Variants in ZP1 observed in about 807,000 individuals in gnomAD.
ZP1 encodes zona pellucida sperm-binding protein 1.
ZP1 carries 58 observed loss-of-function variants against 67.4 expected under a neutral mutation model. That is an observed-to-expected ratio of 0.86 (90% CI 0.70 to 1.07). The LOEUF (loss-of-function observed/expected upper bound fraction) is 1.07. Ranked by LOEUF, ZP1 falls within the 50% of genes least tolerant of loss-of-function variation. The probability of loss-of-function intolerance (pLI) is 0.00; values close to 1 mark genes in which losing one functional copy is unlikely to be tolerated. For missense variants in ZP1, 759 were observed against 807.3 expected (o/e 0.94, Z 0.72); for synonymous variants, 333 against 332.7 (o/e 1.00, Z -0.01).
chr11:60,869,023 A>G (rs1855517569), intron 1 of ZP1, 122 bp from the exon 2 acceptor site: 7 of 1,197,790 alleles, frequency 5.8e-6, no homozygotes, highest in Non-Finnish European at 5.9e-6. Flanking sequence ...CAACAAACTA[A>G]TAGCAAAGCT....
chr11:60,871,240 T>A lies in ZP1; in HGVS notation c.1038T>A (p.Tyr346Ter). 1 of 1,613,754 alleles carries A rather than the reference T, an allele frequency of 6.2e-7. No homozygotes were observed. The highest frequency in any genetic ancestry group is 8.5e-7 in the Non-Finnish European group (1 of 1,179,840). Residue 346 changes from tyrosine (Y) to a stop codon, truncating the protein, a stop_gained, in exon 6 of 12, where the codon TAT becomes TAA. Transcript: ENST00000278853. LOFTEE classifies it high-confidence loss of function. Reference sequence around the variant, plus strand: ...AGGTGGCTGGCGACCAGCTCATCTATGAGAACTGGCTGGTGTCTGGCATCC... The same window carrying A: ...AGGTGGCTGGCGACCAGCTCATCTAAGAGAACTGGCTGGTGTCTGGCATCC... ...TMQVAGDQLI[Y>*]ENWLVSGIHI...
Position 60,867,556 on chromosome 11 carries a change from C to G in ZP1, c.-6C>G. On this transcript the variant is annotated 5_prime_UTR_variant, in exon 1 of 12. Coordinates refer to ENST00000278853, the MANE Select transcript of ZP1 (RefSeq NM_207341.4). ...GAGGGAGTAGGGGGTGTGTCTGTGG[C>G]GTCTCATGGCAGGAGGCTCAGCCAC... is the stretch of plus-strand genomic sequence containing the variant. The G allele has an allele frequency of 6.2e-7, 1 of 1,604,702 alleles. No homozygotes were observed. Among genetic ancestry groups the G allele is most frequent in the Non-Finnish European group, 8.5e-7 (1 of 1,174,542 alleles).
At chr11:60,871,780 G>A (rs1348427357) in intron 6 of ZP1, among the ~76,000 whole-genome samples, 4 of 152,218 alleles carry the variant, frequency 2.6e-5, no homozygotes, top group African/African-American at 4.8e-5. Context: ...CTGGGTGGGG[G>A]AGGAACCCCT....
At chr11:60,875,313 C>T (rs1855682133) in intron 11 of ZP1, 65 bp downstream of exon 11, 1 of 1,559,772 alleles carries the variant, frequency 6.4e-7, no homozygotes, top group Non-Finnish European at 8.6e-7. Flanking sequence ...ATTGTGCTGA[C>T]AAAACAGGGA....
chr11:60,869,249 T>C lies in ZP1; in HGVS notation c.301T>C (p.Cys101Arg). The change falls in exon 2 of 12, where the codon TGC becomes CGC. Residue 101 changes from cysteine (C) to arginine (R), a missense_variant. Transcript: ENST00000278853. ...PAVFSADYRG[C>R]HVLEKDGRFH... is the part of the protein sequence containing the mutation. ...AGTCTTCTCGGCCGATTACAGAGGC[T>C]GCCACGTGCTGGAGAAGGTAGGGGT... The C allele has an allele frequency of 4.3e-6, 7 of 1,614,194 alleles. No individual in the cohort carries two copies. Among genetic ancestry groups the C allele is most frequent in the Non-Finnish European group, 5.9e-6 (7 of 1,180,034 alleles).
chr11:60,873,842 C>T, intron 9 of ZP1, 67 bp downstream of exon 9: 1 of 1,590,454 alleles, frequency 6.3e-7, no homozygotes, highest in Non-Finnish European at 8.5e-7. Context: ...TCGCCAAATC[C>T]CTCTGGCACC....
At chr11:60,875,322 G>C in intron 11 of ZP1, 74 bp downstream of exon 11, 1 of 1,552,218 alleles carries the variant, frequency 6.4e-7, no homozygotes, top group Non-Finnish European at 8.7e-7. Context: ...ACAAAACAGG[G>C]ATGCTCCAGC....
chr11:60,867,831 C>T, intron 1 of ZP1, 74 bp downstream of exon 1: 1 of 1,516,282 alleles, frequency 6.6e-7, no homozygotes, highest in East Asian at 2.4e-5. Flanking sequence ...GGGACCCTTC[C>T]CCTGAAGGAG....
chr11:60,874,802 C>G, intron 9 of ZP1, 131 bp from the exon 10 acceptor site: 1 of 791,198 alleles, frequency 1.3e-6, no homozygotes, highest in Non-Finnish European at 2.1e-6. Context: ...GGTCAAGCAG[C>G]TCAGATTTCT....
chr11:60,871,167 G>A (rs767240451), intron 5 of ZP1, 23 bp downstream of exon 5: 11 of 1,613,888 alleles, frequency 6.8e-6, no homozygotes, highest in African/African-American at 1.3e-5. Context: ...ACCACAGGCT[G>A]GGGCCTGGTC....
chr11:60,869,660 C>G lies in ZP1; in HGVS notation c.442C>G (p.Leu148Val). 2 of 1,614,202 alleles carry G rather than the reference C, an allele frequency of 1.2e-6. No homozygotes were observed. The highest frequency in any genetic ancestry group is 1.7e-6 in the Non-Finnish European group (2 of 1,180,022). ...CCCCTCCCGGACTCTGGACTCCCAG[C>G]TGGCACCACCCGCCATGTTCTCTGT... ...PDPSRTLDSQLAPPAMFSVST... is the reference protein window; with the variant it reads ...PDPSRTLDSQVAPPAMFSVST... The change falls in exon 3 of 12, where the codon CTG (leucine) becomes GTG (valine). Residue 148 changes from leucine to valine, a missense_variant. By Grantham distance (32) the Leu-to-Val change is conservative. Coordinates refer to ENST00000278853, the MANE Select transcript of ZP1 (RefSeq NM_207341.4).
intron 1 of ZP1, among the ~76,000 whole-genome samples, chr11:60,868,246 G>A (rs181728977): frequency 2.6e-5 from 4 of 152,110 alleles, no homozygotes; most frequent in East Asian, 1.9e-4. Context: ...GGAGTTTCAC[G>A]ATATTGGTCA....
rs773986421 is a variant in ZP1, at chr11:60,870,438, C to T, written c.789C>T (p.Asp263=). ...EACQQAGCCY[D]NTREVPCYYG... ...GTCAGCAGGCTGGCTGCTGCTATGA[C>T]AACACCAGAGAGGTTCCCTGTTACT... is the stretch of plus-strand genomic sequence containing the variant. Residue 263 remains aspartate (D), a synonymous_variant, in exon 4 of 12, where the codon GAC becomes GAT. Transcript: ENST00000278853. 1.1e-5 allele frequency: 18 copies of T among 1,613,246 alleles called. No homozygotes were observed. The highest frequency in any genetic ancestry group is 1.7e-5 in the Admixed American group (1 of 59,954).
At chr11:60,869,297 C>G (rs534990073) in intron 2 of ZP1, 31 bp downstream of exon 2, 1 of 1,613,004 alleles carries the variant, frequency 6.2e-7, no homozygotes, top group South Asian at 1.1e-5. Context: ...GGCACAGGGG[C>G]AAGCTTGTCC....
intron 1 of ZP1, among the ~76,000 whole-genome samples, chr11:60,868,144 T>G (rs1855504435): frequency 6.6e-6 from 1 of 151,516 alleles, no homozygotes; most frequent in Admixed American, 6.6e-5. Flanking sequence ...ACCACCCAGG[T>G]TCAAGCAATT....
chr11:60,869,711 C>G lies in ZP1; in HGVS notation c.493C>G (p.Leu165Val). Reference protein sequence around the residue: ...SVSTPQTLSFLPTSGHTSQGS... With the variant: ...SVSTPQTLSFVPTSGHTSQGS... ...CTCAACCCCACAAACCCTTTCCTTC[C>G]TCCCCACCTCTGGCCATACCTCCCA... The change falls in exon 3 of 12, where the codon CTC (leucine) becomes GTC (valine). Residue 165 changes from leucine to valine, a missense_variant. Leu to Val is a conservative substitution (Grantham distance 32, BLOSUM62 1). Coordinates refer to ENST00000278853, the MANE Select transcript of ZP1 (RefSeq NM_207341.4). 1 of 1,614,052 alleles carries G rather than the reference C, an allele frequency of 6.2e-7. No homozygotes were observed. Among genetic ancestry groups the G allele is most frequent in the East Asian group, 2.2e-5 (1 of 44,886 alleles).
chr11:60,872,678 C>T (rs1855596917), intron 6 of ZP1, among the ~76,000 whole-genome samples: 1 of 152,204 alleles, frequency 6.6e-6, no homozygotes, highest in Admixed American at 6.5e-5. Flanking sequence ...AGCCATTTTA[C>T]AAATGAGGAC....
Position 60,873,430 on chromosome 11 carries a change from C to A in ZP1, c.1296C>A (p.Leu432=). ...ATGACTATCCCATCGTGAGGCTGCT[C>A]CGAGAACCAGTCCATGTGGAGGTCC... The part of the protein sequence containing the change: ...GEDDYPIVRL[L]REPVHVEVRL... The change falls in exon 8 of 12, where the codon CTC becomes CTA. Residue 432 remains leucine (L), a synonymous_variant. Coordinates refer to ENST00000278853, the MANE Select transcript of ZP1 (RefSeq NM_207341.4). 1 of 1,613,310 alleles carries A rather than the reference C, an allele frequency of 6.2e-7. No individual in the cohort carries two copies. The highest frequency in any genetic ancestry group is 1.3e-5 in the African/African-American group (1 of 75,024).
At chr11:60,873,835 C>T in intron 9 of ZP1, 60 bp downstream of exon 9, 1 of 1,600,278 alleles carries the variant, frequency 6.2e-7, no homozygotes, top group Non-Finnish European at 8.5e-7. Context: ...GAGCTGGTCG[C>T]CAAATCCCTC....
Sources: allele counts gnomAD v4.1 joint callset (sites outside exome capture counted in the v4.1 genomes callset), GRCh38; gene constraint gnomAD v4.1.1; transcripts MANE v1.5; gene names NCBI Gene and HGNC (gene_info 2026-07-23, HGNC 2026-07-21).